The following BACH2 variants were observed in gnomAD, a reference collection of about 807,000 sequenced individuals.
The protein encoded by BACH2 is transcription regulator protein BACH2.
In BACH2, 5 loss-of-function variants were observed where a neutral mutation model predicts 61.8. That is an observed-to-expected ratio of 0.08 (90% CI 0.04 to 0.17). BACH2 has a LOEUF of 0.17. Ranked by LOEUF, BACH2 falls within the 10% of genes least tolerant of loss-of-function variation. BACH2 has a pLI of 1.00. For missense variants in BACH2, 824 were observed against 1,091.1 expected (o/e 0.76, Z 3.45); for synonymous variants, 446 against 440.1 (o/e 1.01, Z -0.17).
chr6:90,017,727 G>T (rs1033455093), intron 5 of BACH2, among the ~76,000 whole-genome samples: 2 of 151,956 alleles, frequency 1.3e-5, no homozygotes, highest in Non-Finnish European at 2.9e-5. Context: ...TTGAACACTT[G>T]GAATATAGTT....
intron 4 of BACH2, among the ~76,000 whole-genome samples, chr6:90,108,290 AC>A (rs1783013027): frequency 6.6e-6 from 1 of 152,126 alleles, no homozygotes; most frequent in South Asian, 2.1e-4. Context: ...TATTTAATAT[AC>A]CCTCCTGGGA....
chr6:89,967,334 C>T (rs911085603), intron 6 of BACH2, among the ~76,000 whole-genome samples: 15 of 152,128 alleles, frequency 9.9e-5, no homozygotes, highest in African/African-American at 3.6e-4. Flanking sequence ...TACCAAGTCT[C>T]AAGAACACCA....
intron 4 of BACH2, among the ~76,000 whole-genome samples, chr6:90,103,029 A>ATATATATTTTTTTTTTTTTT: frequency 1.4e-4 from 3 of 21,162 alleles, no homozygotes; most frequent in South Asian, 2.5e-3. Context: ...ATATATATAT[A>ATATATATTTTTTTTTTTTTT]TTTTTTTTTT....
chr6:90,188,533 GA>G (rs893005363), intron 4 of BACH2, among the ~76,000 whole-genome samples: 9 of 151,266 alleles, frequency 5.9e-5, no homozygotes, highest in African/African-American at 1.5e-4. Context: ...AAGAAAAAAA[GA>G]AAAAAAATAC....
At chr6:90,263,372 T>C (rs1004282737) in intron 2 of BACH2, among the ~76,000 whole-genome samples, 6 of 152,186 alleles carry the variant, frequency 3.9e-5, no homozygotes, top group African/African-American at 1.2e-4. Flanking sequence ...TTAGTGAAAA[T>C]AGCTTTTTTA....
chr6:89,998,397 A>C lies in BACH2; in HGVS notation c.243+10205T>G, dbSNP rs182343971. Among the ~76,000 whole-genome samples, 391 of 152,314 alleles carry C rather than the reference A, an allele frequency of 2.6e-3. 4 individuals carry two copies. The highest frequency in any genetic ancestry group is 8.8e-3 in the African/African-American group (364 of 41,578). On this transcript the variant is annotated intron_variant, in intron 6 of 8. Transcript: ENST00000257749. ...TACTAGCTGGCTTGGAGGTGATGCC[A>C]ATGTCAGTTACAGAGACTGTCAACA...
At chr6:90,204,656 G>A (rs1277147027) in intron 4 of BACH2, among the ~76,000 whole-genome samples, 2 of 152,108 alleles carry the variant, frequency 1.3e-5, no homozygotes. Context: ...AACTTAGGGC[G>A]GAGCTGTCAC....
chr6:90,282,257 C>T (rs1771880202), intron 1 of BACH2, among the ~76,000 whole-genome samples: 1 of 152,164 alleles, frequency 6.6e-6, no homozygotes, highest in Non-Finnish European at 1.5e-5. Context: ...TATTTCATCA[C>T]TCAGGTATTA....
intron 5 of BACH2, among the ~76,000 whole-genome samples, chr6:90,043,169 T>C (rs1024998223): frequency 1.3e-5 from 2 of 152,210 alleles, no homozygotes; most frequent in East Asian, 1.9e-4. Context: ...AAATTGTTGC[T>C]TCCTGGTAGT....
chr6:89,951,342 C>A lies in BACH2; in HGVS notation c.764G>T (p.Ser255Ile). 1 of 1,614,208 alleles carries A rather than the reference C, an allele frequency of 6.2e-7. No individual in the cohort carries two copies. Among genetic ancestry groups the A allele is most frequent in the Non-Finnish European group, 8.5e-7 (1 of 1,180,024 alleles). Residue 255 changes from serine to isoleucine, a missense_variant, in exon 7 of 9, where the codon AGC becomes ATC. Physicochemically the swap from Ser to Ile is moderately radical, Grantham distance 142 (BLOSUM62 -2). Coordinates refer to ENST00000257749, the MANE Select transcript of BACH2 (RefSeq NM_021813.4). This position sits in a 1 kb window ranked among gnomAD's most constrained non-coding sequence, Gnocchi z 6.4. Reference sequence around the variant, plus strand: ...GCTAGAGTTATCTTCCCGGAATGTGCTTGCAAAACCTGAGGTACTGTGTGA... The same window carrying A: ...GCTAGAGTTATCTTCCCGGAATGTGATTGCAAAACCTGAGGTACTGTGTGA... ...ASSHSTSGFA[S>I]TFREDNSSNS...
At chr6:90,229,854 C>T (rs1388645329) in intron 3 of BACH2, among the ~76,000 whole-genome samples, 1 of 152,096 alleles carries the variant, frequency 6.6e-6, no homozygotes, top group Non-Finnish European at 1.5e-5. Flanking sequence ...CCCATTGTGC[C>T]GTCGAGATAT....
intron 5 of BACH2, among the ~76,000 whole-genome samples, chr6:90,069,276 G>A (rs920946690): frequency 2.6e-5 from 4 of 152,148 alleles, no homozygotes; most frequent in Non-Finnish European, 1.5e-5. Context: ...GCCTGTATCC[G>A]GATGGCAGTG....
At chr6:90,054,360 C>T (rs1364899909) in intron 5 of BACH2, among the ~76,000 whole-genome samples, 2 of 152,326 alleles carry the variant, frequency 1.3e-5, no homozygotes, top group Non-Finnish European at 2.9e-5. Flanking sequence ...CATGGAGTCT[C>T]ACTCACCGCT....
intron 3 of BACH2, among the ~76,000 whole-genome samples, chr6:90,207,039 C>T (rs948670128): frequency 4.6e-5 from 7 of 152,026 alleles, no homozygotes; most frequent in African/African-American, 1.4e-4. Context: ...CTTTACATGG[C>T]GTTTTTTGAT....
intron 4 of BACH2, among the ~76,000 whole-genome samples, chr6:90,167,089 A>G (rs1486709864): frequency 6.6e-6 from 1 of 152,186 alleles, no homozygotes; most frequent in Admixed American, 6.5e-5. Context: ...GCTGTGGACC[A>G]TGGAACAGGA....
intron 8 of BACH2, among the ~76,000 whole-genome samples, chr6:89,934,909 C>T (rs1017179809): frequency 6.6e-6 from 1 of 152,162 alleles, no homozygotes; most frequent in Non-Finnish European, 1.5e-5. Context: ...AACATGAATG[C>T]AATCTGGCAG....
chr6:89,938,639 CT>C (rs1040241500), intron 7 of BACH2, among the ~76,000 whole-genome samples: 1 of 152,160 alleles, frequency 6.6e-6, no homozygotes, highest in African/African-American at 2.4e-5. Context: ...TGATGTAGCA[CT>C]TTTGTAAGAA....
Position 89,951,395 on chromosome 6 carries a change from T to C in BACH2, c.711A>G (p.Ala237=), listed in dbSNP as rs1774102310. 4 of 1,614,146 alleles carry C rather than the reference T, an allele frequency of 2.5e-6. No homozygotes were observed. The South Asian group carries it at 3.3e-5, about 13-fold the overall frequency. ...ATGCATTATAGACATTCTTGGTACA[T>C]GCAAGCTGGTATTTCTTGTATCTGG... ...QYPRYKKYQL[A]CTKNVYNASS... Residue 237 remains alanine (A), a synonymous_variant, in exon 7 of 9, where the codon GCA becomes GCG. Coordinates refer to ENST00000257749, the MANE Select transcript of BACH2 (RefSeq NM_021813.4). The surrounding 1 kb of genome is among the most constrained non-coding windows in gnomAD (Gnocchi z 6.4).
intron 7 of BACH2, among the ~76,000 whole-genome samples, chr6:89,943,472 A>G (rs2128355045): frequency 6.6e-6 from 1 of 152,018 alleles, no homozygotes; most frequent in African/African-American, 2.4e-5. Flanking sequence ...TATTATATAA[A>G]TATAGCTTTC....
Sources: allele counts gnomAD v4.1 joint callset (sites outside exome capture counted in the v4.1 genomes callset), GRCh38; gene constraint gnomAD v4.1.1; non-coding constraint Gnocchi (gnomAD v3.1); transcripts MANE v1.5; gene names NCBI Gene and HGNC (gene_info 2026-07-23, HGNC 2026-07-21).